Variants in KATNIP observed in about 807,000 individuals in gnomAD.
The protein encoded by KATNIP is katanin-interacting protein.
In KATNIP, 126 loss-of-function variants were observed where a neutral mutation model predicts 174.0. The ratio of observed to expected loss-of-function variants is 0.72; its 90% CI spans 0.63 to 0.84. The LOEUF (loss-of-function observed/expected upper bound fraction) is 0.84, where lower values mean the gene tolerates loss of function less well. Among genes scored for constraint, KATNIP ranks in the 40% least tolerant of loss-of-function variants. The pLI is 0.00. For missense variants in KATNIP, 1,958 were observed against 2,109.7 expected, an observed-to-expected ratio of 0.93 and a Z score of 1.41; for synonymous variants, 810 against 835.7, an observed-to-expected ratio of 0.97 and a Z score of 0.53.
chr16:27,696,011 A>G (rs2078900362), intron 8 of KATNIP, among the ~76,000 whole-genome samples: 1 of 152,150 alleles, frequency 6.6e-6, no homozygotes, highest in Non-Finnish European at 1.5e-5. Context: ...TTAGAGCGTC[A>G]TTGTACTCTG....
intron 2 of KATNIP, among the ~76,000 whole-genome samples, chr16:27,607,897 G>A (rs1217654341): frequency 1.3e-5 from 2 of 152,046 alleles, no homozygotes; most frequent in African/African-American, 2.4e-5. Flanking sequence ...CACCACACCC[G>A]GCCACAAACA....
intron 5 of KATNIP, among the ~76,000 whole-genome samples, chr16:27,635,553 C>T (rs1419531002): frequency 6.6e-6 from 1 of 151,640 alleles, no homozygotes; most frequent in African/African-American, 2.4e-5. Flanking sequence ...ATTTAACAGA[C>T]ATGTATTGAT....
At chr16:27,562,978 C>T (rs991660040) in intron 1 of KATNIP, among the ~76,000 whole-genome samples, 1 of 152,184 alleles carries the variant, frequency 6.6e-6, no homozygotes, top group African/African-American at 2.4e-5. Context: ...CTGTCCCTTT[C>T]AGCATTGTCT....
chr16:27,562,324 T>A (rs1346575549), intron 1 of KATNIP, among the ~76,000 whole-genome samples: 1 of 151,962 alleles, frequency 6.6e-6, no homozygotes, highest in African/African-American at 2.4e-5. Context: ...AAAATAATAA[T>A]GGTGATAATA....
At chr16:27,686,761 T>G (rs2078539693) in intron 8 of KATNIP, among the ~76,000 whole-genome samples, 1 of 152,146 alleles carries the variant, frequency 6.6e-6, no homozygotes, top group African/African-American at 2.4e-5. Context: ...TTATTATTAT[T>G]CTAGTCATTA....
intron 19 of KATNIP, among the ~76,000 whole-genome samples, chr16:27,762,457 G>A (rs1319074208): frequency 1.3e-5 from 2 of 152,102 alleles, no homozygotes; most frequent in African/African-American, 2.4e-5. Context: ...CTACTATACC[G>A]ATGTGGAGAC....
chr16:27,594,525 G>C (rs1451077450), intron 2 of KATNIP, among the ~76,000 whole-genome samples: 1 of 151,944 alleles, frequency 6.6e-6, no homozygotes, highest in Non-Finnish European at 1.5e-5. Flanking sequence ...CTCGGCCCTG[G>C]CTGAAGTCTC....
intron 23 of KATNIP, 103 bp from the exon 24 acceptor site, chr16:27,774,842 C>T: frequency 7.3e-7 from 1 of 1,372,920 alleles, no homozygotes; most frequent in Non-Finnish European, 1.0e-6. Flanking sequence ...AAAGCATCAG[C>T]CCTGCCAGCC....
At chr16:27,585,824 G>A (rs960336975) in intron 2 of KATNIP, among the ~76,000 whole-genome samples, 3 of 152,156 alleles carry the variant, frequency 2.0e-5, no homozygotes, top group Non-Finnish European at 4.4e-5. Flanking sequence ...AAGAATGGCT[G>A]GGTGCAGTGG....
chr16:27,654,405 T>A (rs2077203638), intron 6 of KATNIP, among the ~76,000 whole-genome samples: 1 of 152,202 alleles, frequency 6.6e-6, no homozygotes, highest in African/African-American at 2.4e-5. Flanking sequence ...TGGATCCTGG[T>A]CCATTGACTG....
intron 1 of KATNIP, among the ~76,000 whole-genome samples, chr16:27,557,218 T>C (rs932504106): frequency 6.6e-6 from 1 of 151,718 alleles, no homozygotes; most frequent in African/African-American, 2.4e-5. Context: ...CTTGGCTTAC[T>C]GCATCCTCCG....
At chr16:27,769,744 T>G in intron 20 of KATNIP, 117 bp from the exon 21 acceptor site, 1 of 1,247,754 alleles carries the variant, frequency 8.0e-7, no homozygotes, top group Non-Finnish European at 1.1e-6. Context: ...GTCAGGTGGC[T>G]CTGCGAAAGG....
intron 3 of KATNIP, among the ~76,000 whole-genome samples, chr16:27,626,806 A>AG (rs2076346254): frequency 1.3e-5 from 2 of 152,054 alleles, no homozygotes; most frequent in African/African-American, 4.8e-5. Flanking sequence ...CAAAAAAAAA[A>AG]AATTAGCTAG....
chr16:27,646,059 T>C (rs532491453), intron 5 of KATNIP, among the ~76,000 whole-genome samples: 1 of 152,240 alleles, frequency 6.6e-6, no homozygotes, highest in Admixed American at 6.5e-5. Context: ...ATTGGGAGAA[T>C]AGCATAAGCA....
intron 6 of KATNIP, among the ~76,000 whole-genome samples, chr16:27,669,524 C>T (rs1418734871): frequency 6.6e-6 from 1 of 152,224 alleles, no homozygotes; most frequent in East Asian, 1.9e-4. Context: ...TGGATGATGG[C>T]TTCACAGCAC....
At chr16:27,580,770 C>T (rs1295847160) in intron 2 of KATNIP, among the ~76,000 whole-genome samples, 2 of 150,526 alleles carry the variant, frequency 1.3e-5, no homozygotes, top group African/African-American at 4.9e-5. Context: ...AGGGACAGAC[C>T]TCTCTCTTTT....
intron 20 of KATNIP, among the ~76,000 whole-genome samples, chr16:27,767,308 G>A (rs1385627334): frequency 2.0e-5 from 3 of 152,130 alleles, no homozygotes; most frequent in African/African-American, 7.2e-5. Context: ...CTGCCACGGC[G>A]GATTGGCATC....
chr16:27,557,756 C>T (rs1376162331), intron 1 of KATNIP, among the ~76,000 whole-genome samples: 3 of 152,118 alleles, frequency 2.0e-5, no homozygotes, highest in African/African-American at 4.8e-5. Flanking sequence ...TCAGAGCTTG[C>T]ACAAGTGGGC....
intron 3 of KATNIP, among the ~76,000 whole-genome samples, chr16:27,624,766 G>A (rs1425928533): frequency 6.6e-6 from 1 of 152,130 alleles, no homozygotes; most frequent in East Asian, 1.9e-4. Context: ...GCTGCAGTGA[G>A]CTGTGATCAC....
Sources: allele counts gnomAD v4.1 joint callset (sites outside exome capture counted in the v4.1 genomes callset), GRCh38; gene constraint gnomAD v4.1.1; transcripts MANE v1.5; gene names NCBI Gene and HGNC (gene_info 2026-07-23, HGNC 2026-07-21).